Variants in NXPE1 observed in about 807,000 individuals in gnomAD.
The protein encoded by NXPE1 is NXPE family member 1.
NXPE1 carries 31 observed loss-of-function variants against 33.3 expected under a neutral mutation model. The ratio of observed to expected loss-of-function variants is 0.93; its 90% CI spans 0.70 to 1.26. NXPE1 has a LOEUF of 1.26. Ranked by LOEUF, NXPE1 falls within the 50% of genes most tolerant of loss-of-function variation. The pLI is 0.00. For missense variants in NXPE1, 661 were observed against 655.6 expected, an observed-to-expected ratio of 1.01 and a Z score of -0.09; for synonymous variants, 229 against 231.4, an observed-to-expected ratio of 0.99 and a Z score of 0.09.
At chr11:114,520,197 T>C (rs563450763), downstream of NXPE1, among the ~76,000 whole-genome samples, 3 of 152,304 alleles carry the variant, frequency 2.0e-5, no homozygotes, top group South Asian at 6.2e-4. Flanking sequence ...TGCTGTACAT[T>C]AGCTCTCTAG....
In NXPE1 at chr11:114,549,980, G is replaced by T. The variant is rs1948417702; in HGVS notation, c.99+1123C>A. ...ACAATCCAATATATGGCAGCAAAAT[G>T]ATAATAAAATACTTAAGTGTACATT... is the stretch of plus-strand genomic sequence containing the variant. On this transcript the variant is annotated intron_variant, in intron 5 of 8. Transcript: ENST00000534921. Among the ~76,000 whole-genome samples, 5 of 152,076 alleles carry T rather than the reference G, an allele frequency of 3.3e-5. No homozygotes were observed. In the South Asian group the frequency reaches 1.0e-3, roughly 32 times the overall value.
intron 1 of NXPE1, among the ~76,000 whole-genome samples, chr11:114,555,182 G>GT (rs1186243857): frequency 6.6e-6 from 1 of 151,762 alleles, no homozygotes; most frequent in Non-Finnish European, 1.5e-5. Context: ...TTTCAGTTTT[G>GT]TTTTTACAGC....
intron 5 of NXPE1, among the ~76,000 whole-genome samples, chr11:114,538,487 C>T (rs754199003): frequency 4.1e-4 from 62 of 152,220 alleles, no homozygotes; most frequent in Non-Finnish European, 8.2e-4. Flanking sequence ...TCAGAGTGAA[C>T]AGGCAACCTA....
chr11:114,519,372 G>A (rs1416617582), downstream of NXPE1, among the ~76,000 whole-genome samples: 1 of 151,956 alleles, frequency 6.6e-6, no homozygotes, highest in African/African-American at 2.4e-5. Context: ...CTAAAGAGAT[G>A]GTAAAACCTC....
chr11:114,522,015 G>A (rs1436985445), exon 9 of NXPE1: 3 of 1,613,760 alleles, frequency 1.9e-6, no homozygotes, highest in South Asian at 2.2e-5. Flanking sequence ...CCAATCACAT[G>A]ATCAGGTGGG....
At chr11:114,543,410 G>T (rs1017812703) in intron 5 of NXPE1, among the ~76,000 whole-genome samples, 2 of 149,640 alleles carry the variant, frequency 1.3e-5, no homozygotes, top group African/African-American at 4.9e-5. Flanking sequence ...GGTGGTATGT[G>T]CCTGTAGCCC....
intron 5 of NXPE1, among the ~76,000 whole-genome samples, chr11:114,536,809 A>C (rs1032387706): frequency 5.9e-5 from 9 of 152,324 alleles, no homozygotes; most frequent in Non-Finnish European, 1.0e-4. Context: ...CAACCAAAAA[A>C]AGTCCAGGAC....
At chr11:114,540,359 C>A (rs7932181) in intron 5 of NXPE1, among the ~76,000 whole-genome samples, 34,458 of 152,080 alleles carry the variant, frequency 0.23, 5,483 homozygotes, top group African/African-American at 0.44. Context: ...TTACATATAG[C>A]AACATGATTA....
intron 5 of NXPE1, among the ~76,000 whole-genome samples, chr11:114,535,873 C>T (rs572163485): frequency 2.4e-4 from 37 of 152,200 alleles, no homozygotes; most frequent in South Asian, 1.7e-3. Flanking sequence ...GACAGATCAA[C>T]GAGACAGAAA....
chr11:114,551,418 T>C, exon 4 of NXPE1: 1 of 1,320,862 alleles, frequency 7.6e-7, no homozygotes. Context: ...TCACTCAGGA[T>C]TGTTGCTTCC....
chr11:114,556,583 G>T (rs1449764002), intron 1 of NXPE1, among the ~76,000 whole-genome samples: 1 of 151,902 alleles, frequency 6.6e-6, no homozygotes, highest in Non-Finnish European at 1.5e-5. Context: ...CAGGATAAGA[G>T]CCCTTAAAGC....
chr11:114,536,222 C>T (rs911761774), intron 5 of NXPE1, among the ~76,000 whole-genome samples: 33 of 152,264 alleles, frequency 2.2e-4, no homozygotes, highest in African/African-American at 7.2e-4. Flanking sequence ...TGAAGATGTT[C>T]TTTGAAACCA....
At chr11:114,530,304 T>C (rs1428022036) in exon 6 of NXPE1, 11 of 1,614,214 alleles carry the variant, frequency 6.8e-6, no homozygotes, top group Admixed American at 1.7e-5. Context: ...GTCTCTGTCA[T>C]CCAGATATTC....
intron 5 of NXPE1, among the ~76,000 whole-genome samples, chr11:114,541,348 C>T (rs1948091807): frequency 6.6e-6 from 1 of 152,032 alleles, no homozygotes; most frequent in Non-Finnish European, 1.5e-5. Context: ...TATGAAACAG[C>T]TATTATAACT....
chr11:114,523,237 A>G (rs762719424), intron 7 of NXPE1, 146 bp from the exon 8 acceptor site: 1 of 625,570 alleles, frequency 1.6e-6, no homozygotes. Context: ...CTATTCTTTG[A>G]TCATTAGCTT....
chr11:114,523,452 G>A (rs1167561848), intron 7 of NXPE1, among the ~76,000 whole-genome samples: 2 of 152,010 alleles, frequency 1.3e-5, no homozygotes, highest in Non-Finnish European at 2.9e-5. Flanking sequence ...AGTTGGTGCC[G>A]CTGTATAAAA....
intron 5 of NXPE1, among the ~76,000 whole-genome samples, chr11:114,545,274 A>G (rs1030902009): frequency 2.0e-5 from 3 of 152,250 alleles, no homozygotes; most frequent in East Asian, 3.8e-4. Flanking sequence ...GAATGTTTAT[A>G]GCAGCTTTGA....
At chr11:114,537,642 C>T (rs1408879115) in intron 5 of NXPE1, among the ~76,000 whole-genome samples, 1 of 152,122 alleles carries the variant, frequency 6.6e-6, no homozygotes, top group African/African-American at 2.4e-5. Context: ...CAGTAACAGA[C>T]AAACAGAGAG....
At chr11:114,525,820 A>G (rs530400702) in intron 7 of NXPE1, among the ~76,000 whole-genome samples, 11 of 152,212 alleles carry the variant, frequency 7.2e-5, no homozygotes, top group Non-Finnish European at 1.0e-4. Flanking sequence ...CATGTATAAG[A>G]GTCAAGCCCT....
Sources: gnomAD v4.1 joint callset for allele counts (sites outside exome capture counted in the v4.1 genomes callset) on GRCh38, gnomAD v4.1.1 for gene constraint, MANE v1.5 for transcripts, NCBI Gene and HGNC (gene_info 2026-07-23, HGNC 2026-07-21) for gene names.